KIF26B: variants seen among roughly 807,000 people sequenced by gnomAD.
The protein encoded by KIF26B is kinesin-like protein KIF26B.
In KIF26B, 63 loss-of-function variants were observed where a neutral mutation model predicts 151.2. The observed-to-expected ratio is 0.42, with a 90% CI of 0.34 to 0.51. The LOEUF is 0.51. KIF26B is among the 20% of genes least tolerant of loss of function. The pLI is 0.07. For synonymous variants in KIF26B, 1,357 were observed against 1,262.1 expected, an observed-to-expected ratio of 1.08 and a Z score of -1.59; for missense variants, 2,813 against 2,913.6, an observed-to-expected ratio of 0.97 and a Z score of 0.79.
intron 2 of KIF26B, among the ~76,000 whole-genome samples, chr1:245,260,539 T>C (rs1264919727): frequency 2.0e-5 from 3 of 152,202 alleles, no homozygotes; most frequent in Non-Finnish European, 2.9e-5. Flanking sequence ...AGAACATGTT[T>C]AATACATGCA....
In KIF26B at chr1:245,562,011, C is replaced by T. The variant is rs376261028; in HGVS notation, c.1350+21061C>T. Among the ~76,000 whole-genome samples the T allele has an allele frequency of 9.0e-4, 137 of 152,204 alleles. 1 individual carries two copies. The South Asian group carries it at 0.014, about 16-fold the overall frequency. On this transcript the variant is annotated intron_variant, in intron 5 of 14. Transcript: ENST00000407071. ...TCAGTGGTTTCTCCCAGGGCCGTTG[C>T]GGATTGCAGCTGTTTCATACCCAGA...
rs768309673 is a variant in KIF26B at position 245,698,212 on chromosome 1, G to A, written c.5931G>A (p.Arg1977=). The A allele has an allele frequency of 3.7e-6, 6 of 1,613,900 alleles. No individual in the cohort carries two copies. The African/African-American group carries it at 8.0e-5, about 22-fold the overall frequency. Residue 1977 remains arginine (R), a synonymous_variant, in exon 13 of 15, where the codon CGG becomes CGA. Coordinates refer to ENST00000407071, the MANE Select transcript of KIF26B (RefSeq NM_018012.4). The surrounding 1 kb of genome is among the most constrained non-coding windows in gnomAD (Gnocchi z 4.0). The stretch of plus-strand genomic sequence containing the variant: ...TCCGCTGGGTGGATGGCCCCTTGCG[G>A]AGCAGCCCGAGGGGCCTTGGGGAAC... ...TGVRWVDGPL[R]SSPRGLGEPF...
At chr1:245,438,728 T>G (rs1658992543) in intron 4 of KIF26B, among the ~76,000 whole-genome samples, 1 of 152,234 alleles carries the variant, frequency 6.6e-6, no homozygotes, top group Non-Finnish European at 1.5e-5. Context: ...CTCAAACGAT[T>G]GCTACACGCA....
chr1:245,586,158 AGTGTGTGTGT>A (rs10526699), intron 5 of KIF26B, among the ~76,000 whole-genome samples: 125 of 142,192 alleles, frequency 8.8e-4, no homozygotes, highest in African/African-American at 2.2e-3. Context: ...CACCATGACC[AGTGTGTGTGT>A]GTGTGTGTGT....
intron 4 of KIF26B, among the ~76,000 whole-genome samples, chr1:245,459,899 T>C (rs926366338): frequency 1.1e-5 from 1 of 89,248 alleles, no homozygotes; most frequent in Admixed American, 1.2e-4. Flanking sequence ...TCATAAACCT[T>C]TTTTTTTTTT....
intron 2 of KIF26B, among the ~76,000 whole-genome samples, chr1:245,224,589 G>C (rs1464985064): frequency 6.6e-6 from 1 of 152,206 alleles, no homozygotes; most frequent in Non-Finnish European, 1.5e-5. Flanking sequence ...TTGAAAACTT[G>C]TATTTGTCAC....
intron 10 of KIF26B, among the ~76,000 whole-genome samples, chr1:245,660,496 C>G (rs2044124201): frequency 6.6e-6 from 1 of 151,052 alleles, no homozygotes; most frequent in South Asian, 2.1e-4. Flanking sequence ...CACCACCATG[C>G]CTGGTTAATT....
intron 4 of KIF26B, among the ~76,000 whole-genome samples, chr1:245,477,458 T>G (rs1051499840): frequency 4.0e-5 from 6 of 151,510 alleles, no homozygotes; most frequent in African/African-American, 1.5e-4. Flanking sequence ...ACAAACACAG[T>G]AGGTTAGTCA....
chr1:245,251,802 G>A lies in KIF26B; in HGVS notation c.465+95119G>A, dbSNP rs146238506. Among the ~76,000 whole-genome samples, 1,283 of 152,136 alleles carry A rather than the reference G, an allele frequency of 8.4e-3. 10 individuals are homozygous for A. The highest frequency in any genetic ancestry group is 0.015 in the Non-Finnish European group (987 of 68,006). On this transcript the variant is annotated intron_variant, in intron 2 of 14. Transcript: ENST00000407071. The stretch of plus-strand genomic sequence containing the variant: ...AGTTTATAAATCTTAATATTTAATA[G>A]CATAAATTGTCCCCTGCCTTGTCTT...
At chr1:245,345,365 G>C (rs1215703650) in intron 2 of KIF26B, among the ~76,000 whole-genome samples, 3 of 152,084 alleles carry the variant, frequency 2.0e-5, no homozygotes, top group Non-Finnish European at 1.5e-5. Flanking sequence ...TAACCACCTC[G>C]AGCCTTGCGT....
chr1:245,279,493 G>A (rs1193775214), intron 2 of KIF26B, among the ~76,000 whole-genome samples: 1 of 151,742 alleles, frequency 6.6e-6, no homozygotes, highest in Non-Finnish European at 1.5e-5. Flanking sequence ...ATTTTTTGTA[G>A]AGATGCGGTT....
chr1:245,206,469 A>G (rs182759461), intron 2 of KIF26B: 2 of 152,350 alleles, frequency 1.3e-5, no homozygotes, highest in East Asian at 3.9e-4. Flanking sequence ...TAATCCAATA[A>G]TCATGCAAGA....
intron 2 of KIF26B, among the ~76,000 whole-genome samples, chr1:245,210,767 G>C (rs908016372): frequency 6.6e-6 from 1 of 152,096 alleles, no homozygotes; most frequent in African/African-American, 2.4e-5. Context: ...TCCAAGTGCA[G>C]GGACCAAGGA....
intron 2 of KIF26B, among the ~76,000 whole-genome samples, chr1:245,305,390 C>T (rs1671516606): frequency 6.6e-6 from 1 of 152,078 alleles, no homozygotes. Flanking sequence ...ACTCTTGCCA[C>T]TCAATAATAA....
At position 245,688,526 on chromosome 1, in the gene KIF26B, C is replaced by T. The variant is rs1456768616; in HGVS notation, c.5543C>T (p.Pro1848Leu). ...GAGCCCGCGGCCGCGCACCTGCTCC[C>T]GTCGCCCTACAGCAAGATCACGCCC... ...EDEPAAAHLL[P>L]SPYSKITPPR... Residue 1848 changes from proline (P) to leucine (L), a missense_variant, in exon 12 of 15, where the codon CCG (proline) becomes CTG (leucine). Coordinates refer to ENST00000407071, the MANE Select transcript of KIF26B (RefSeq NM_018012.4). 11 of 1,528,322 alleles carry T rather than the reference C, an allele frequency of 7.2e-6. No individual in the cohort carries two copies. The highest frequency in any genetic ancestry group is 6.0e-5 in the Admixed American group (3 of 50,292). The allele number at this position is 1,528,322 out of a possible 1,614,324, so 94.7% of individuals were successfully genotyped here. A position where few individuals can be genotyped will look rare whatever the true frequency, so the allele number is the denominator to read the frequency against.
intron 10 of KIF26B, among the ~76,000 whole-genome samples, chr1:245,663,377 G>A (rs530061529): frequency 1.4e-3 from 122 of 89,528 alleles, no homozygotes; most frequent in African/African-American, 4.3e-3. Context: ...CAGAAATTTT[G>A]TCATTTGTGA....
intron 5 of KIF26B, among the ~76,000 whole-genome samples, chr1:245,579,472 T>C (rs2043153504): frequency 6.6e-6 from 1 of 151,982 alleles, no homozygotes; most frequent in Non-Finnish European, 1.5e-5. Context: ...CACTCCAGCC[T>C]GAGCGACAGA....
At chr1:245,659,778 C>A (rs577439363) in intron 10 of KIF26B, among the ~76,000 whole-genome samples, 2 of 152,032 alleles carry the variant, frequency 1.3e-5, no homozygotes, top group Admixed American at 1.3e-4. Flanking sequence ...GTGGCTCACA[C>A]CTGTAATCCC....
chr1:245,560,420 T>A lies in KIF26B; in HGVS notation c.1350+19470T>A, dbSNP rs2103115760. On this transcript the variant is annotated intron_variant, in intron 5 of 14. Coordinates refer to ENST00000407071, the MANE Select transcript of KIF26B (RefSeq NM_018012.4). The surrounding 1 kb of genome is among the most constrained non-coding windows in gnomAD (Gnocchi z 4.3). ...CTTTCTTTCCTGTGAGATAAAAATG[T>A]ACCTTATGGTATTACTTTATTTTAA... 6.6e-6 allele frequency among the ~76,000 whole-genome samples: 1 copy of A among 152,310 alleles called. No homozygotes were observed.
Sources: gnomAD v4.1 joint callset for allele counts (sites outside exome capture counted in the v4.1 genomes callset) on GRCh38, gnomAD v4.1.1 for gene constraint, Gnocchi (gnomAD v3.1) non-coding constraint, MANE v1.5 for transcripts, NCBI Gene and HGNC (gene_info 2026-07-23, HGNC 2026-07-21) for gene names.